Variants in ALK observed in about 807,000 individuals in gnomAD.
ALK encodes the protein ALK tyrosine kinase receptor.
In ALK, 74 loss-of-function variants were observed where a neutral mutation model predicts 163.1. The observed-to-expected ratio is 0.45, with a 90% CI of 0.38 to 0.55. The LOEUF is 0.55. Ranked by LOEUF, ALK falls within the 20% of genes least tolerant of loss-of-function variation. The probability of loss-of-function intolerance (pLI) is 0.00; values close to 1 mark genes in which losing one functional copy is unlikely to be tolerated. For synonymous variants in ALK, 960 were observed against 843.2 expected (o/e 1.14, Z -2.40); for missense variants, 2,063 against 2,105.3 (o/e 0.98, Z 0.39).
At chr2:29,861,016 A>G (rs529128867) in intron 1 of ALK, among the ~76,000 whole-genome samples, 2 of 152,246 alleles carry the variant, frequency 1.3e-5, no homozygotes, top group Non-Finnish European at 2.9e-5. Flanking sequence ...ACAAAAAAAT[A>G]AAAAAAGTGG....
intron 3 of ALK, among the ~76,000 whole-genome samples, chr2:29,600,006 C>A (rs893399154): frequency 1.3e-5 from 2 of 152,144 alleles, no homozygotes; most frequent in Admixed American, 1.3e-4. Flanking sequence ...GAGGAAATTG[C>A]TACTCACGTG....
At chr2:29,470,443 C>T (rs1671321971) in intron 4 of ALK, among the ~76,000 whole-genome samples, 2 of 152,008 alleles carry the variant, frequency 1.3e-5, no homozygotes, top group Non-Finnish European at 2.9e-5. Flanking sequence ...AATAAAGCTG[C>T]TGAAAATCAA....
At position 29,920,449 on chromosome 2, in the gene ALK, G is replaced by T; in HGVS notation, c.211C>A (p.Leu71Ile). 2 of 1,610,908 alleles carry T rather than the reference G, an allele frequency of 1.2e-6. No homozygotes were observed. The highest frequency in any genetic ancestry group is 2.2e-5 in the South Asian group (2 of 90,434). The change falls in exon 1 of 29, where the codon CTA becomes ATA. Residue 71 changes from leucine (L) to isoleucine (I), a missense_variant. Around this residue, in one of 5 missense-constraint regions of ALK, gnomAD observed 987 missense variants for 939.5 expected, o/e 1.05. Coordinates refer to ENST00000389048, the MANE Select transcript of ALK (RefSeq NM_004304.5). ...TCCGAGGAGGATGGTGGCAGCAGTA[G>T]GTCCCGGGCGTAGACACGGAAGAGC... is the stretch of plus-strand genomic sequence containing the variant. ...PSLFRVYARDLLLPPSSSELK... is the reference protein window; with the variant it reads ...PSLFRVYARDILLPPSSSELK...
intron 1 of ALK, among the ~76,000 whole-genome samples, chr2:29,853,423 G>A (rs1666055813): frequency 6.6e-6 from 1 of 152,096 alleles, no homozygotes. Flanking sequence ...TGGACAGACT[G>A]GACATCCAAT....
intron 4 of ALK, among the ~76,000 whole-genome samples, chr2:29,426,733 T>C (rs1285743250): frequency 1.3e-5 from 2 of 152,162 alleles, no homozygotes; most frequent in Non-Finnish European, 2.9e-5. Context: ...CTTCTTTCTC[T>C]TAATGGATTT....
Position 29,753,907 on chromosome 2 carries a change from C to A in ALK, c.668-36210G>T, listed in dbSNP as rs1680442854. On this transcript the variant is annotated intron_variant, in intron 1 of 28. Coordinates refer to ENST00000389048, the MANE Select transcript of ALK (RefSeq NM_004304.5). The stretch of plus-strand genomic sequence containing the variant: ...AATACAGTCAGCAGCCCGAGTCTGG[C>A]TGAATCATTTTGAATGTTTTTAAAA... 2.6e-5 allele frequency among the ~76,000 whole-genome samples: 4 copies of A among 152,320 alleles called. No homozygotes were observed. In the South Asian group the frequency reaches 8.3e-4, roughly 32 times the overall value.
chr2:29,766,685 G>C (rs957046648), intron 1 of ALK, among the ~76,000 whole-genome samples: 1 of 152,190 alleles, frequency 6.6e-6, no homozygotes, highest in Non-Finnish European at 1.5e-5. Flanking sequence ...ATCTTCATAT[G>C]CATAGTAACT....
chr2:29,247,149 G>C (rs977310198), intron 12 of ALK, among the ~76,000 whole-genome samples: 5 of 149,632 alleles, frequency 3.3e-5, no homozygotes, highest in African/African-American at 1.0e-4. Context: ...CTTTTACCCC[G>C]GCCTCCGCGG....
intron 4 of ALK, among the ~76,000 whole-genome samples, chr2:29,384,649 C>CAA (rs1450466845): frequency 2.3e-5 from 1 of 43,602 alleles, no homozygotes; most frequent in Non-Finnish European, 5.3e-5. Flanking sequence ...TAAATGTCTG[C>CAA]GAGTGTGTGT....
At chr2:29,663,311 T>C (rs1347705568) in intron 3 of ALK, among the ~76,000 whole-genome samples, 1 of 152,192 alleles carries the variant, frequency 6.6e-6, no homozygotes, top group Non-Finnish European at 1.5e-5. Context: ...AATTCTTTTA[T>C]GGAGACACAC....
intron 4 of ALK, among the ~76,000 whole-genome samples, chr2:29,528,846 C>T (rs774696401): frequency 3.9e-5 from 6 of 152,170 alleles, no homozygotes; most frequent in African/African-American, 7.2e-5. Context: ...TGTGATCAGC[C>T]GGGCCTAGGC....
At chr2:29,644,867 A>G (rs1370327150) in intron 3 of ALK, among the ~76,000 whole-genome samples, 1 of 152,190 alleles carries the variant, frequency 6.6e-6, no homozygotes, top group African/African-American at 2.4e-5. Context: ...ATTAATTATA[A>G]TGATCCTGAC....
chr2:29,590,148 T>C (rs73921113), intron 3 of ALK, among the ~76,000 whole-genome samples: 122 of 151,982 alleles, frequency 8.0e-4, no homozygotes, highest in African/African-American at 2.7e-3. Context: ...TATGCATAAT[T>C]CTTCCAGAGG....
chr2:29,408,787 A>G (rs752361144), intron 4 of ALK, among the ~76,000 whole-genome samples: 24 of 152,178 alleles, frequency 1.6e-4, no homozygotes, highest in Non-Finnish European at 1.8e-4. Flanking sequence ...GAAGGGAGGC[A>G]TTCTGGAGGC....
intron 4 of ALK, among the ~76,000 whole-genome samples, chr2:29,496,517 G>A (rs2148128559): frequency 6.6e-6 from 1 of 152,224 alleles, no homozygotes; most frequent in East Asian, 1.9e-4. Flanking sequence ...GTAGTAGAGT[G>A]GCTGGCTTTG....
chr2:29,867,401 A>C (rs145875342), intron 1 of ALK, among the ~76,000 whole-genome samples: 392 of 152,338 alleles, frequency 2.6e-3, no homozygotes, highest in African/African-American at 9.0e-3. Context: ...TATTAAAAAT[A>C]GTCAAAATGG....
intron 4 of ALK, among the ~76,000 whole-genome samples, chr2:29,465,668 T>C (rs1671194182): frequency 2.0e-5 from 3 of 151,798 alleles, no homozygotes; most frequent in Admixed American, 1.3e-4. Context: ...CCCTCCAACC[T>C]GGGCAACAGA....
In ALK at chr2:29,228,896, C is replaced by T. The variant is rs766551269; in HGVS notation, c.2803G>A (p.Gly935Arg). The T allele has an allele frequency of 2.5e-6, 4 of 1,586,616 alleles. No homozygotes were observed. Among genetic ancestry groups the T allele is most frequent in the Non-Finnish European group, 3.5e-6 (4 of 1,155,296 alleles). Residue 935 changes from glycine (G) to arginine (R), a missense_variant, in exon 16 of 29, where the codon GGA becomes AGA. Gly to Arg is a moderately radical substitution (Grantham distance 125, BLOSUM62 -2). Around this residue, in one of 5 missense-constraint regions of ALK, gnomAD observed 575 missense variants for 626.6 expected, o/e 0.92. Transcript: ENST00000389048. Reference protein sequence around the residue: ...GGGCSSGGGGGGYIGGNAASN... With the variant: ...GGGCSSGGGGRGYIGGNAASN... ...GAATCATCTTTACCTATATATCCTC[C>T]GCCTCCTCCACCTGAGGAGCACCCC...
At chr2:29,311,190 G>GGT (rs931256244) in intron 8 of ALK, among the ~76,000 whole-genome samples, 13 of 152,318 alleles carry the variant, frequency 8.5e-5, no homozygotes, top group African/African-American at 2.4e-4. Flanking sequence ...GGGTAGATGA[G>GGT]GGGCAACCAT....
Sources: allele counts gnomAD v4.1 joint callset (sites outside exome capture counted in the v4.1 genomes callset), GRCh38; gene constraint gnomAD v4.1.1; regional missense constraint gnomAD v4.1.1; transcripts MANE v1.5; gene names NCBI Gene and HGNC (gene_info 2026-07-23, HGNC 2026-07-21).